Variants in KIF13B observed in about 807,000 individuals in gnomAD.
KIF13B encodes the protein kinesin family member 13B, also known as kinesin-like protein KIF13B.
In KIF13B, 127 loss-of-function variants were observed where a neutral mutation model predicts 222.0. That is an observed-to-expected ratio of 0.57 (90% CI 0.50 to 0.66). The LOEUF is 0.66. KIF13B is among the 30% of genes least tolerant of loss of function. The pLI is 0.00. For missense variants in KIF13B, 2,173 were observed against 2,379.0 expected (o/e 0.91, Z 1.80); for synonymous variants, 976 against 919.0 (o/e 1.06, Z -1.12).
intron 12 of KIF13B, among the ~76,000 whole-genome samples, chr8:29,162,684 A>G (rs1811833762): frequency 6.6e-6 from 1 of 152,266 alleles, no homozygotes; most frequent in South Asian, 2.1e-4. Context: ...AAGAGGCACA[A>G]TGGTGGAAAA....
In KIF13B at chr8:29,150,335, A is replaced by G. The variant is rs1284260826; in HGVS notation, c.1584T>C (p.His528=). ...SSVSSPIQLH[H]GDRILWGNNH... ...TGTTTCCCCATAATATCCTGTCCCC[A>G]TGGTGTAGCTGTATTGGACTGGAGA... Residue 528 remains histidine, a synonymous_variant, in exon 15 of 40, where the codon CAT becomes CAC. Transcript: ENST00000524189. 2 of 1,595,688 alleles carry G rather than the reference A, an allele frequency of 1.3e-6. No homozygotes were observed. Among genetic ancestry groups the G allele is most frequent in the Admixed American group, 1.7e-5 (1 of 59,396 alleles).
rs759500649 is a variant in KIF13B at position 29,072,204 on chromosome 8, G to A, written c.4634C>T (p.Thr1545Ile). 28 of 1,460,498 alleles carry A rather than the reference G, an allele frequency of 1.9e-5. No homozygotes were observed. The South Asian group carries it at 4.0e-4, about 21-fold the overall frequency. 90.5% of individuals were successfully genotyped at this position (1,460,498 alleles called of 1,614,324 possible). ...VPSPPPVIAV[T>I]AVTPAPEAQD... ...TGCCTCCGGAGCCGGGGTGACCGCTGTGACAGCTATGACAGGCGGTGGGGA... is the reference window on the plus strand; with the variant it reads ...TGCCTCCGGAGCCGGGGTGACCGCTATGACAGCTATGACAGGCGGTGGGGA... Residue 1545 changes from threonine (T) to isoleucine (I), a missense_variant, in exon 39 of 40, where the codon ACA becomes ATA. By Grantham distance (89) the Thr-to-Ile change is moderately conservative (BLOSUM62 -1). Coordinates refer to ENST00000524189, the MANE Select transcript of KIF13B (RefSeq NM_015254.4).
At position 29,155,792 on chromosome 8, in the gene KIF13B, G is replaced by A; in HGVS notation, c.1469C>T (p.Pro490Leu). The change falls in exon 14 of 40, where the codon CCT becomes CTT. Residue 490 changes from proline to leucine, a missense_variant. Around this residue, in one of 2 missense-constraint regions of KIF13B, gnomAD observed 1,480 missense variants for 1,722.8 expected, o/e 0.86. Transcript: ENST00000524189. ...DIQLCGMGIL[P>L]EHCIIDITSE... ...CGTGATGTCTATAATACAGTGTTCA[G>A]GAAGAATTCCCATGCCGCACAGTTG... The A allele has an allele frequency of 6.3e-7, 1 of 1,598,108 alleles. No individual in the cohort carries two copies. The highest frequency in any genetic ancestry group is 8.5e-7 in the Non-Finnish European group (1 of 1,171,160).
At chr8:29,089,582 C>A (rs1236941077) in intron 37 of KIF13B, among the ~76,000 whole-genome samples, 1 of 152,036 alleles carries the variant, frequency 6.6e-6, no homozygotes, top group Non-Finnish European at 1.5e-5. Flanking sequence ...ATAAACCAAA[C>A]AATAACTCCC....
At chr8:29,242,599 A>G (rs1289642102) in intron 2 of KIF13B, among the ~76,000 whole-genome samples, 1 of 152,258 alleles carries the variant, frequency 6.6e-6, no homozygotes, top group Non-Finnish European at 1.5e-5. Flanking sequence ...TGAGCAAATA[A>G]GTGATAAAAT....
chr8:29,245,657 A>T (rs1399715354), intron 1 of KIF13B, among the ~76,000 whole-genome samples: 2 of 152,216 alleles, frequency 1.3e-5, no homozygotes, highest in Non-Finnish European at 2.9e-5. Context: ...TTCCCACCCT[A>T]CATCAGGAAT....
intron 31 of KIF13B, among the ~76,000 whole-genome samples, chr8:29,114,648 G>A (rs1393654305): frequency 3.3e-5 from 5 of 152,116 alleles, no homozygotes; most frequent in African/African-American, 9.7e-5. Context: ...TCCACATGAC[G>A]ATTCTTAGGA....
chr8:29,137,701 C>T (rs1303877571), intron 21 of KIF13B, among the ~76,000 whole-genome samples: 1 of 152,136 alleles, frequency 6.6e-6, no homozygotes, highest in Non-Finnish European at 1.5e-5. Context: ...CATTACATGC[C>T]AGTATATGGT....
intron 28 of KIF13B, 62 bp from the exon 29 acceptor site, chr8:29,122,708 G>T: frequency 1.5e-6 from 2 of 1,333,094 alleles, no homozygotes; most frequent in South Asian, 1.2e-5. Flanking sequence ...ATGCACGTAG[G>T]AACACAGCCT....
At chr8:29,189,683 T>C (rs1329260787) in intron 4 of KIF13B, 2 of 152,362 alleles carry the variant, frequency 1.3e-5, no homozygotes, top group Non-Finnish European at 2.9e-5. Flanking sequence ...GAAGCAGGGC[T>C]GGGCCTGCAG....
At chr8:29,141,672 G>A (rs1344773865) in intron 19 of KIF13B, among the ~76,000 whole-genome samples, 1 of 152,196 alleles carries the variant, frequency 6.6e-6, no homozygotes, top group East Asian at 1.9e-4. Context: ...GAGTACCAAT[G>A]TATAGATTTA....
chr8:29,092,286 A>G (rs935514430), intron 37 of KIF13B, among the ~76,000 whole-genome samples: 1 of 152,254 alleles, frequency 6.6e-6, no homozygotes, highest in South Asian at 2.1e-4. Flanking sequence ...AGAAAAGGAT[A>G]TAAGACAGGT....
chr8:29,196,757 A>T (rs1813439393), intron 2 of KIF13B, among the ~76,000 whole-genome samples: 1 of 151,992 alleles, frequency 6.6e-6, no homozygotes, highest in African/African-American at 2.4e-5. Context: ...TGGGTTTCGT[A>T]TTTTTTCTGG....
In KIF13B at chr8:29,071,593, C is replaced by A. The variant is rs1420142271; in HGVS notation, c.5218+27G>T. Reference sequence around the variant, plus strand: ...GCTTCCCCAGACCCCCGGCACCACCCTGGAGCCCGGAGTGCCCGGTACCCA... The same window carrying A: ...GCTTCCCCAGACCCCCGGCACCACCATGGAGCCCGGAGTGCCCGGTACCCA... On this transcript the variant is annotated intron_variant, in intron 39 of 39. Coordinates refer to ENST00000524189, the MANE Select transcript of KIF13B (RefSeq NM_015254.4). The surrounding 1 kb of genome is among the most constrained non-coding windows in gnomAD (Gnocchi z 4.9). 18 of 1,534,436 alleles carry A rather than the reference C, an allele frequency of 1.2e-5. No individual in the cohort carries two copies. The highest frequency in any genetic ancestry group is 1.5e-5 in the Non-Finnish European group (17 of 1,137,398).
chr8:29,205,920 CAA>C (rs34524562), intron 2 of KIF13B, among the ~76,000 whole-genome samples: 365 of 144,540 alleles, frequency 2.5e-3, no homozygotes, highest in Middle Eastern at 7.3e-3. Flanking sequence ...CCATTTCTAC[CAA>C]AAAAAAAAAA....
intron 29 of KIF13B, 82 bp from the exon 30 acceptor site, chr8:29,119,074 C>T: frequency 7.2e-7 from 1 of 1,380,086 alleles, no homozygotes. Flanking sequence ...GTGATTATTA[C>T]AATTCTTCTG....
intron 24 of KIF13B, 148 bp downstream of exon 24, chr8:29,130,385 C>T (rs1810292015): frequency 1.2e-6 from 1 of 826,568 alleles, no homozygotes; most frequent in Non-Finnish European, 1.9e-6. Flanking sequence ...AATAGCAATA[C>T]TTGTGACATG....
At chr8:29,105,744 C>T (rs183133304) in intron 35 of KIF13B, among the ~76,000 whole-genome samples, 18 of 132,490 alleles carry the variant, frequency 1.4e-4, no homozygotes, top group Middle Eastern at 6.0e-3. Flanking sequence ...CTGCAACTTC[C>T]GCCTCCCGGG....
chr8:29,174,083 A>G (rs1812376711), intron 10 of KIF13B, among the ~76,000 whole-genome samples: 2 of 152,196 alleles, frequency 1.3e-5, no homozygotes, highest in African/African-American at 4.8e-5. Context: ...AAATGAACGC[A>G]TCCATCACCT....
Sources: gnomAD v4.1 joint callset for allele counts (sites outside exome capture counted in the v4.1 genomes callset) on GRCh38, gnomAD v4.1.1 for gene constraint, gnomAD v4.1.1 regional missense constraint, Gnocchi (gnomAD v3.1) non-coding constraint, MANE v1.5 for transcripts, NCBI Gene and HGNC (gene_info 2026-07-23, HGNC 2026-07-21) for gene names.